Variants in ANXA13 observed in about 807,000 individuals in gnomAD.
ANXA13 encodes the protein annexin A13.
Under a neutral mutation model 46.6 loss-of-function variants are expected in ANXA13, and 36 were observed. The ratio of observed to expected loss-of-function variants is 0.77; its 90% CI spans 0.59 to 1.02. The LOEUF (loss-of-function observed/expected upper bound fraction) is 1.02, where lower values mean the gene tolerates loss of function less well. Ranked by LOEUF, ANXA13 falls within the 50% of genes least tolerant of loss-of-function variation. ANXA13 has a pLI of 0.00. For synonymous variants in ANXA13, 163 were observed against 152.9 expected (o/e 1.07, Z -0.49); for missense variants, 417 against 396.5 (o/e 1.05, Z -0.44).
At chr8:123,726,322 G>T (rs1813991597) in intron 1 of ANXA13, among the ~76,000 whole-genome samples, 1 of 152,202 alleles carries the variant, frequency 6.6e-6, no homozygotes, top group Admixed American at 6.5e-5. Flanking sequence ...CTTATCAAAG[G>T]TGACTGCAGG....
At chr8:123,718,686 C>T (rs933484324) in intron 1 of ANXA13, among the ~76,000 whole-genome samples, 5 of 152,160 alleles carry the variant, frequency 3.3e-5, no homozygotes, top group Admixed American at 3.3e-4. Flanking sequence ...TGTGTATTTA[C>T]GTTCCTGTGT....
intron 1 of ANXA13, among the ~76,000 whole-genome samples, chr8:123,732,337 G>C (rs1349751904): frequency 1.3e-5 from 2 of 152,092 alleles, no homozygotes; most frequent in Non-Finnish European, 2.9e-5. Flanking sequence ...AAACTTCCAG[G>C]GTCACTGTTC....
chr8:123,702,662 A>G lies in ANXA13; in HGVS notation c.166T>C (p.Tyr56His), dbSNP rs565550651. 1.9e-6 allele frequency: 3 copies of G among 1,614,092 alleles called. No homozygotes were observed. Among genetic ancestry groups the G allele is most frequent in the African/African-American group, 2.7e-5 (2 of 75,030 alleles). ...ATCACCTTGCCGTACGTTGCCTTGT[A>G]CTTTTGCTTGATTTGTTGCCTCTCA... The part of the protein sequence containing the change: ...SDERQQIKQK[Y>H]KATYGKELEE... Residue 56 changes from tyrosine (Y) to histidine (H), a missense_variant, in exon 3 of 11, where the codon TAC becomes CAC. By Grantham distance (83) the Tyr-to-His change is moderately conservative. Coordinates refer to ENST00000419625, the MANE Select transcript of ANXA13 (RefSeq NM_004306.4).
chr8:123,684,847 G>T (rs1813111255), intron 9 of ANXA13, 125 bp from the exon 10 acceptor site: 1 of 676,520 alleles, frequency 1.5e-6, no homozygotes, highest in Admixed American at 2.5e-5. Flanking sequence ...GGTGTGAAAA[G>T]AGCTGACTTG....
chr8:123,725,609 G>C (rs1264284209), intron 1 of ANXA13, among the ~76,000 whole-genome samples: 1 of 152,184 alleles, frequency 6.6e-6, no homozygotes, highest in Non-Finnish European at 1.5e-5. Flanking sequence ...CACATCTGAA[G>C]CATGAATCTT....
chr8:123,721,419 T>A (rs934872546), intron 1 of ANXA13, among the ~76,000 whole-genome samples: 3 of 152,202 alleles, frequency 2.0e-5, no homozygotes, highest in Non-Finnish European at 4.4e-5. Flanking sequence ...ATCTGAAAGA[T>A]GGTAATAATA....
At chr8:123,709,105 AG>A (rs752666741) in intron 2 of ANXA13, among the ~76,000 whole-genome samples, 2 of 152,178 alleles carry the variant, frequency 1.3e-5, no homozygotes, top group African/African-American at 2.4e-5. Context: ...ATGGAGAACA[AG>A]GGCGCGCCTA....
chr8:123,692,419 C>CA (rs955833080), intron 8 of ANXA13, among the ~76,000 whole-genome samples: 49 of 148,526 alleles, frequency 3.3e-4, no homozygotes, highest in Middle Eastern at 3.5e-3. Context: ...AATAGGATGC[C>CA]AAAAAAAAAA....
chr8:123,702,823 T>A, intron 2 of ANXA13, 87 bp from the exon 3 acceptor site: 1 of 1,251,382 alleles, frequency 8.0e-7, no homozygotes. Context: ...AAGCCAGGAC[T>A]CACAGCTTAA....
At chr8:123,712,497 A>C in intron 2 of ANXA13, 181 bp downstream of exon 2, 7 of 601,466 alleles carry the variant, frequency 1.2e-5, no homozygotes, top group Non-Finnish European at 1.5e-5. Flanking sequence ...CTGAAAAGTA[A>C]TAGGATCCTA....
At chr8:123,716,910 G>A (rs1172016879) in intron 1 of ANXA13, among the ~76,000 whole-genome samples, 5 of 152,164 alleles carry the variant, frequency 3.3e-5, no homozygotes, top group Non-Finnish European at 5.9e-5. Flanking sequence ...AATGGGCTGC[G>A]GGGTACTCCA....
intron 10 of ANXA13, among the ~76,000 whole-genome samples, chr8:123,683,478 C>T (rs550255504): frequency 5.4e-4 from 75 of 138,600 alleles, no homozygotes; most frequent in African/African-American, 1.8e-3. Context: ...TGCTTAGTTC[C>T]ACTTCATTCC....
rs1813104965 is a variant in ANXA13 at position 123,684,663 on chromosome 8, C to A, written c.778G>T (p.Gly260Cys). 1 of 1,614,170 alleles carries A rather than the reference C, an allele frequency of 6.2e-7. No individual in the cohort carries two copies. The highest frequency in any genetic ancestry group is 1.1e-5 in the South Asian group (1 of 91,082). ...FAERLYKSMK[G>C]AGTDEETLIR... ...AACGTCTCCTCATCGGTCCCCGCAC[C>A]CTTCATCGACTTGTACAGACGTTCA... Residue 260 changes from glycine (G) to cysteine (C), a missense_variant, in exon 10 of 11, where the codon GGT (glycine) becomes TGT (cysteine). Gly to Cys is a radical substitution (Grantham distance 159, BLOSUM62 -3). Transcript: ENST00000419625.
intron 9 of ANXA13, among the ~76,000 whole-genome samples, chr8:123,686,470 A>AAG (rs1813142396): frequency 1.3e-5 from 2 of 148,794 alleles, no homozygotes; most frequent in Non-Finnish European, 1.5e-5. Context: ...AAAAAAAAAA[A>AAG]AAAGAAAGAA....
intron 1 of ANXA13, chr8:123,735,900 T>TA: frequency 6.3e-7 from 1 of 1,577,518 alleles, no homozygotes; most frequent in African/African-American, 1.4e-5. Context: ...AAAAAATACA[T>TA]AAAAATGCTG....
chr8:123,702,645 G>GC lies in ANXA13; in HGVS notation c.182dup (p.Lys62GlnfsTer10). 1 of 1,613,838 alleles carries GC rather than the reference G, an allele frequency of 6.2e-7. No homozygotes were observed. The highest frequency in any genetic ancestry group is 8.5e-7 in the Non-Finnish European group (1 of 1,179,770). ...TGCTGACCACCCCTGGAATCACCTT[G>GC]CCGTACGTTGCCTTGTACTTTTGCT... On this transcript the variant is annotated frameshift_variant, in exon 3 of 11. Transcript: ENST00000419625. LOFTEE classifies it high-confidence loss of function.
At chr8:123,693,079 A>G (rs1395390615) in intron 8 of ANXA13, 118 bp downstream of exon 8, 11 of 872,400 alleles carry the variant, frequency 1.3e-5, no homozygotes, top group South Asian at 3.2e-5. Flanking sequence ...ATCGCCTCCA[A>G]TTGAGAACCA....
chr8:123,709,600 A>G (rs1813615497), intron 2 of ANXA13, among the ~76,000 whole-genome samples: 1 of 152,170 alleles, frequency 6.6e-6, no homozygotes, highest in Non-Finnish European at 1.5e-5. Context: ...CCACATGCTT[A>G]GTGTCCCAAT....
intron 7 of ANXA13, 55 bp downstream of exon 7, chr8:123,693,656 A>G: frequency 7.0e-7 from 1 of 1,434,100 alleles, no homozygotes; most frequent in Non-Finnish European, 9.6e-7. Context: ...GTTGAAAATA[A>G]TGCTAATAAA....
Sources: allele counts gnomAD v4.1 joint callset (sites outside exome capture counted in the v4.1 genomes callset), GRCh38; gene constraint gnomAD v4.1.1; transcripts MANE v1.5; gene names NCBI Gene and HGNC (gene_info 2026-07-23, HGNC 2026-07-21).